TMEM117: variants seen among roughly 807,000 people sequenced by gnomAD.
The protein encoded by TMEM117 is transmembrane protein 117.
A neutral mutation model predicts 52.4 loss-of-function variants in TMEM117; 27 were observed. The observed-to-expected ratio is 0.51, with a 90% CI of 0.38 to 0.71. The LOEUF is 0.71. Among genes scored for constraint, TMEM117 ranks in the 30% least tolerant of loss-of-function variants. The pLI is 0.00. For missense variants in TMEM117, 556 were observed against 630.5 expected (o/e 0.88, Z 1.26); for synonymous variants, 215 against 206.3 (o/e 1.04, Z -0.36).
intron 3 of TMEM117, among the ~76,000 whole-genome samples, chr12:44,071,853 G>C (rs541967607): frequency 6.6e-6 from 1 of 152,304 alleles, no homozygotes; most frequent in Non-Finnish European, 1.5e-5. Flanking sequence ...TCTAAGGAGT[G>C]TTATGAAATG....
chr12:44,323,382 G>A (rs1235233573), intron 6 of TMEM117, among the ~76,000 whole-genome samples: 1 of 152,076 alleles, frequency 6.6e-6, no homozygotes, highest in African/African-American at 2.4e-5. Context: ...TAAATCTTTT[G>A]CTAGCCAATA....
the TMEM117 span, among the ~76,000 whole-genome samples, chr12:43,823,237 A>C: frequency 6.6e-6 from 1 of 152,180 alleles, no homozygotes; most frequent in Non-Finnish European, 1.5e-5. Flanking sequence ...CAGTCCATAC[A>C]TTTTATGTTA....
chr12:43,889,818 G>A (rs149236896), intron 2 of TMEM117, among the ~76,000 whole-genome samples: 32 of 152,262 alleles, frequency 2.1e-4, no homozygotes, highest in African/African-American at 7.2e-4. Context: ...CAGGTTCATT[G>A]GGTAGCAGTC....
intron 3 of TMEM117, among the ~76,000 whole-genome samples, chr12:44,040,605 C>T (rs1946781547): frequency 6.6e-6 from 1 of 152,160 alleles, no homozygotes; most frequent in South Asian, 2.1e-4. Context: ...TGTTTCTTCA[C>T]TTCCAATCCT....
At chr12:43,814,738 CTTT>C in the TMEM117 span, among the ~76,000 whole-genome samples, 6 of 107,638 alleles carry the variant, frequency 5.6e-5, no homozygotes, top group Non-Finnish European at 5.7e-5. Context: ...GGGTTTGAAT[CTTT>C]TTTTTTTTTT....
At chr12:43,978,389 A>G (rs1231712214) in intron 3 of TMEM117, among the ~76,000 whole-genome samples, 2 of 152,202 alleles carry the variant, frequency 1.3e-5, no homozygotes, top group Admixed American at 6.5e-5. Flanking sequence ...AGTCATTAAT[A>G]ATATTGATAG....
intron 4 of TMEM117, among the ~76,000 whole-genome samples, chr12:44,200,970 A>G (rs1949488262): frequency 6.6e-6 from 1 of 152,224 alleles, no homozygotes; most frequent in African/African-American, 2.4e-5. Context: ...TGTTACCAAG[A>G]AGAAAAAAGG....
intron 3 of TMEM117, among the ~76,000 whole-genome samples, chr12:44,040,390 A>G (rs924208922): frequency 1.4e-4 from 21 of 152,218 alleles, no homozygotes; most frequent in African/African-American, 5.1e-4. Flanking sequence ...TAGTTTCTTT[A>G]TGTTTTTGTG....
At chr12:43,907,243 C>T (rs1249115141) in intron 2 of TMEM117, among the ~76,000 whole-genome samples, 5 of 152,086 alleles carry the variant, frequency 3.3e-5, no homozygotes, top group Admixed American at 3.3e-4. Flanking sequence ...CAGACTGACA[C>T]CTCACACGGC....
intron 5 of TMEM117, among the ~76,000 whole-genome samples, chr12:44,277,379 T>G (rs1950527123): frequency 6.6e-6 from 1 of 152,152 alleles, no homozygotes; most frequent in South Asian, 2.1e-4. Flanking sequence ...TAGTTTTCTA[T>G]TACTGCATAA....
chr12:43,849,705 T>C (rs1353003553), intron 2 of TMEM117, among the ~76,000 whole-genome samples: 1 of 152,152 alleles, frequency 6.6e-6, no homozygotes, highest in African/African-American at 2.4e-5. Flanking sequence ...AGTTTCTCCT[T>C]TTTTTCTTAC....
intron 4 of TMEM117, among the ~76,000 whole-genome samples, chr12:44,182,024 C>T (rs1234392690): frequency 7.1e-4 from 107 of 151,360 alleles, no homozygotes; most frequent in African/African-American, 2.5e-3. Context: ...TCCTCTTTTA[C>T]TTCCTTGAGC....
chr12:43,954,422 A>G (rs1042079630), intron 3 of TMEM117, among the ~76,000 whole-genome samples: 5 of 152,144 alleles, frequency 3.3e-5, no homozygotes, highest in Non-Finnish European at 7.4e-5. Context: ...ATAAAGAAGA[A>G]GAGAAGACTC....
chr12:43,911,103 A>G lies in TMEM117; in HGVS notation c.278-33107A>G, dbSNP rs1458062454. On this transcript the variant is annotated intron_variant, in intron 2 of 7. Transcript: ENST00000266534. ...CTACCTGACTTCAAACTATACTACA[A>G]GGCTACAGTAACCAAAACAGTATGG... Among the ~76,000 whole-genome samples the G allele has an allele frequency of 4.7e-5, 2 of 42,152 alleles. 1 individual carries two copies. Among genetic ancestry groups the G allele is most frequent in the Non-Finnish European group, 1.7e-4 (2 of 11,508 alleles). 27.7% of individuals were successfully genotyped at this position (42,152 alleles called of 152,430 possible). A position where few individuals can be genotyped will look rare whatever the true frequency, so the allele number is the denominator to read the frequency against.
chr12:44,251,548 C>T (rs968567866), intron 5 of TMEM117, among the ~76,000 whole-genome samples: 1 of 152,080 alleles, frequency 6.6e-6, no homozygotes, highest in Non-Finnish European at 1.5e-5. Flanking sequence ...CACTGCCCTA[C>T]GTCACTAAGG....
the TMEM117 span, chr12:43,800,373 C>G: frequency 8.1e-7 from 1 of 1,233,706 alleles, no homozygotes; most frequent in South Asian, 1.3e-5. Flanking sequence ...TACCCATTAC[C>G]TAGGAGTTCC....
chr12:43,955,129 G>A (rs572662184), intron 3 of TMEM117, among the ~76,000 whole-genome samples: 1 of 152,090 alleles, frequency 6.6e-6, no homozygotes, highest in South Asian at 2.1e-4. Context: ...GAAGGAACAT[G>A]CCTCAAAATA....
chr12:43,922,577 T>C (rs1592366244), intron 2 of TMEM117, among the ~76,000 whole-genome samples: 1 of 152,236 alleles, frequency 6.6e-6, no homozygotes, highest in East Asian at 1.9e-4. Context: ...TTCTCAGGTC[T>C]GTTGATGGCT....
intron 5 of TMEM117, among the ~76,000 whole-genome samples, chr12:44,273,312 A>C (rs149965405): frequency 1.3e-5 from 2 of 152,028 alleles, no homozygotes; most frequent in African/African-American, 4.8e-5. Flanking sequence ...ATATGTATAC[A>C]TATGGAACAA....
Sources: gnomAD v4.1 joint callset for allele counts (sites outside exome capture counted in the v4.1 genomes callset) on GRCh38, gnomAD v4.1.1 for gene constraint, MANE v1.5 for transcripts, NCBI Gene and HGNC (gene_info 2026-07-23, HGNC 2026-07-21) for gene names.